Variants in SAV1 observed in about 807,000 individuals in gnomAD.
SAV1 encodes the protein salvador family WW domain containing protein 1.
In SAV1, 23 loss-of-function variants were observed where a neutral mutation model predicts 47.3. The observed-to-expected ratio is 0.49, with a 90% CI of 0.35 to 0.69. SAV1 has a LOEUF of 0.69. Ranked by LOEUF, SAV1 falls within the 30% of genes least tolerant of loss-of-function variation. The probability of loss-of-function intolerance (pLI) is 0.01; values close to 1 mark genes in which losing one functional copy is unlikely to be tolerated. For missense variants in SAV1, 448 were observed against 457.4 expected (o/e 0.98, Z 0.19); for synonymous variants, 155 against 159.2 (o/e 0.97, Z 0.20).
intron 4 of SAV1, among the ~76,000 whole-genome samples, chr14:50,639,742 A>T (rs541902358): frequency 2.6e-5 from 4 of 152,360 alleles, no homozygotes; most frequent in Admixed American, 6.5e-5. Context: ...ATGACTATAG[A>T]GTAGAAATAA....
chr14:50,664,949 A>T (rs1485186787), intron 2 of SAV1: 3 of 457,886 alleles, frequency 6.6e-6, no homozygotes, highest in Non-Finnish European at 1.1e-5. Context: ...GCCTTGAGAT[A>T]AATACCAAGT....
intron 2 of SAV1, among the ~76,000 whole-genome samples, chr14:50,650,215 T>C (rs1042136661): frequency 2.6e-5 from 4 of 152,222 alleles, no homozygotes; most frequent in African/African-American, 9.6e-5. Flanking sequence ...TGCATAAGGC[T>C]AGTCACTGCA....
rs566824572 is a variant in SAV1 at position 50,668,127 on chromosome 14, G to A, written c.-160C>T. On this transcript the variant is annotated 5_prime_UTR_variant, in exon 1 of 5. Transcript: ENST00000324679. ...GTCCGGAGCCCGGGGTCGCCCGCAG[G>A]GACTGCCGCATGTTCAGGGCGCTAA... 1.4e-4 allele frequency: 53 copies of A among 369,158 alleles called. 1 individual carries two copies. The highest frequency in any genetic ancestry group is 9.9e-4 in the African/African-American group (46 of 46,296). 22.9% of individuals were successfully genotyped at this position (369,158 alleles called of 1,614,324 possible). A position where few individuals can be genotyped will look rare whatever the true frequency, so the allele number is the denominator to read the frequency against.
intron 4 of SAV1, 70 bp downstream of exon 4, chr14:50,640,680 G>T: frequency 7.1e-7 from 1 of 1,399,896 alleles, no homozygotes; most frequent in South Asian, 1.5e-5. Flanking sequence ...TACTTGGATC[G>T]AGCAGCCCAG....
chr14:50,656,327 T>C (rs1045155121), intron 2 of SAV1, among the ~76,000 whole-genome samples: 10 of 152,128 alleles, frequency 6.6e-5, no homozygotes, highest in African/African-American at 1.9e-4. Flanking sequence ...AAGTTGCAAA[T>C]AGGCACATCA....
intron 2 of SAV1, among the ~76,000 whole-genome samples, chr14:50,656,104 A>T (rs931713010): frequency 6.6e-6 from 1 of 152,206 alleles, no homozygotes; most frequent in African/African-American, 2.4e-5. Context: ...TGGCAATTTC[A>T]TCTATTAAGA....
intron 2 of SAV1, chr14:50,662,972 C>T (rs1211427638): frequency 6.6e-6 from 1 of 152,242 alleles, no homozygotes; most frequent in Non-Finnish European, 1.5e-5. Flanking sequence ...TCTTCCCTCT[C>T]CTTTGTCCTT....
intron 2 of SAV1, among the ~76,000 whole-genome samples, chr14:50,649,623 G>A (rs889272279): frequency 1.3e-5 from 2 of 152,190 alleles, no homozygotes; most frequent in African/African-American, 4.8e-5. Context: ...AAATACAGAT[G>A]TATTATCATT....
At chr14:50,661,144 C>G (rs1219778684) in intron 2 of SAV1, among the ~76,000 whole-genome samples, 1 of 152,176 alleles carries the variant, frequency 6.6e-6, no homozygotes, top group Non-Finnish European at 1.5e-5. Flanking sequence ...GTCTTTTTAA[C>G]AATAGCCATT....
At chr14:50,660,566 G>A (rs2039850343) in intron 2 of SAV1, among the ~76,000 whole-genome samples, 1 of 152,116 alleles carries the variant, frequency 6.6e-6, no homozygotes, top group African/African-American at 2.4e-5. Flanking sequence ...AAATAATCAA[G>A]TCAGGGTATT....
Position 50,634,227 on chromosome 14 carries a change from A to G in SAV1, c.*956T>C, listed in dbSNP as rs778607837. On this transcript the variant is annotated 3_prime_UTR_variant, in exon 5 of 5. Coordinates refer to ENST00000324679, the MANE Select transcript of SAV1 (RefSeq NM_021818.4). Reference sequence around the variant, plus strand: ...ACTTTGAGTTTCACGCACCTTCCCAATACAGGCTAAGTATTCCTGCTTATA... The same window carrying G: ...ACTTTGAGTTTCACGCACCTTCCCAGTACAGGCTAAGTATTCCTGCTTATA... 444 of 453,338 alleles carry G rather than the reference A, an allele frequency of 9.8e-4. No individual in the cohort carries two copies. Among genetic ancestry groups the G allele is most frequent in the Non-Finnish European group, 5.6e-4 (126 of 225,314 alleles). The allele number at this position is 453,338 out of a possible 1,614,324, so 28.1% of individuals were successfully genotyped here.
intron 2 of SAV1, 107 bp from the exon 3 acceptor site, chr14:50,645,121 T>C (rs190764324): frequency 1.9e-5 from 18 of 932,886 alleles, no homozygotes; most frequent in African/African-American, 3.3e-5. Flanking sequence ...TGTACTCTTC[T>C]ATTTAAATTC....
rs2039608710 is a variant in SAV1, at chr14:50,633,891, T to G, written c.*1292A>C. ...ATAGTTTAGAAGTATCACCAATTTG[T>G]TTGCAATCAAATGTACAGCACTAAT... On this transcript the variant is annotated 3_prime_UTR_variant, in exon 5 of 5. Coordinates refer to ENST00000324679, the MANE Select transcript of SAV1 (RefSeq NM_021818.4). The G allele has an allele frequency of 6.1e-6, 1 of 164,146 alleles. No homozygotes were observed. The highest frequency in any genetic ancestry group is 1.3e-5 in the Non-Finnish European group (1 of 74,262). The allele number at this position is 164,146 out of a possible 1,614,324, so 10.2% of individuals were successfully genotyped here. A position where few individuals can be genotyped will look rare whatever the true frequency, so the allele number is the denominator to read the frequency against.
Position 50,635,344 on chromosome 14 carries a change from C to T in SAV1, c.991G>A (p.Asp331Asn). 1 of 1,614,114 alleles carries T rather than the reference C, an allele frequency of 6.2e-7. No homozygotes were observed. The highest frequency in any genetic ancestry group is 8.5e-7 in the Non-Finnish European group (1 of 1,179,996). The change falls in exon 5 of 5, where the codon GAC becomes AAC. Residue 331 changes from aspartate (D) to asparagine (N), a missense_variant. Asp to Asn is a conservative substitution (Grantham distance 23). Coordinates refer to ENST00000324679, the MANE Select transcript of SAV1 (RefSeq NM_021818.4). The stretch of plus-strand genomic sequence containing the variant: ...AGCATTCCCTGGTATGTATCCAGGT[C>T]AGCCAGCTGGAAGAGTTCCCACTTC... The part of the protein sequence containing the change: ...ILKWELFQLA[D>N]LDTYQGMLKL...
chr14:50,644,444 C>A (rs2039703800), intron 3 of SAV1, among the ~76,000 whole-genome samples: 1 of 152,090 alleles, frequency 6.6e-6, no homozygotes, highest in Non-Finnish European at 1.5e-5. Context: ...AAGGCAGAAG[C>A]TTTAATTATT....
At chr14:50,663,871 A>G (rs1798694086) in intron 2 of SAV1, among the ~76,000 whole-genome samples, 1 of 152,088 alleles carries the variant, frequency 6.6e-6, no homozygotes, top group African/African-American at 2.4e-5. Flanking sequence ...ACAAATCTCC[A>G]CTCAACCTTA....
intron 4 of SAV1, among the ~76,000 whole-genome samples, chr14:50,638,748 T>A (rs576307090): frequency 6.6e-5 from 10 of 152,312 alleles, no homozygotes; most frequent in African/African-American, 1.9e-4. Context: ...ATGTTTTTGC[T>A]GTCAAAGATT....
rs753085446 is a variant in SAV1 at position 50,667,894 on chromosome 14, T to C, written c.74A>G (p.Glu25Gly). 6.2e-7 allele frequency: 1 copy of C among 1,612,970 alleles called. No homozygotes were observed. Among genetic ancestry groups the C allele is most frequent in the Non-Finnish European group, 8.5e-7 (1 of 1,179,446 alleles). Reference protein sequence around the residue: ...AEVQGKYVKKETSPLLRNLMP... With the variant: ...AEVQGKYVKKGTSPLLRNLMP... Reference sequence around the variant, plus strand: ...CTCACTCCGAAGCAGAGGCGACGTCTCCTTCTTCACGTACTTCCCCTGCAC... The same window carrying C: ...CTCACTCCGAAGCAGAGGCGACGTCCCCTTCTTCACGTACTTCCCCTGCAC... Residue 25 changes from glutamate to glycine, a missense_variant, in exon 1 of 5, where the codon GAG (glutamate) becomes GGG (glycine). Glu to Gly is a moderately conservative substitution (Grantham distance 98). Coordinates refer to ENST00000324679, the MANE Select transcript of SAV1 (RefSeq NM_021818.4).
At chr14:50,659,980 C>G (rs756281502) in intron 2 of SAV1, among the ~76,000 whole-genome samples, 3 of 152,256 alleles carry the variant, frequency 2.0e-5, no homozygotes, top group Non-Finnish European at 4.4e-5. Context: ...CCTGCAAACT[C>G]TTCTGCTAAG....
Sources: allele counts gnomAD v4.1 joint callset (sites outside exome capture counted in the v4.1 genomes callset), GRCh38; gene constraint gnomAD v4.1.1; transcripts MANE v1.5; gene names NCBI Gene and HGNC (gene_info 2026-07-23, HGNC 2026-07-21).